SLFN13: variants seen among roughly 807,000 people sequenced by gnomAD.
SLFN13 encodes the protein schlafen family member 13, also known as schlafen-13.
Under a neutral mutation model 50.6 loss-of-function variants are expected in SLFN13, and 43 were observed. That is an observed-to-expected ratio of 0.85 (90% confidence interval 0.67 to 1.09). The LOEUF (loss-of-function observed/expected upper bound fraction) is 1.09, where lower values mean the gene tolerates loss of function less well. Ranked by LOEUF, SLFN13 falls within the 50% of genes least tolerant of loss-of-function variation. The pLI, the probability that SLFN13 is intolerant of heterozygous loss-of-function variation, is 0.00. For missense variants in SLFN13, 881 were observed against 1,071.1 expected (o/e 0.82, Z 2.48); for synonymous variants, 339 against 386.5 (o/e 0.88, Z 1.44).
At chr17:35,443,696 G>A (rs2142085827) in intron 4 of SLFN13, 93 bp downstream of exon 4, 2 of 1,379,202 alleles carry the variant, frequency 1.5e-6, no homozygotes, top group East Asian at 4.6e-5. Flanking sequence ...TGTACACCTG[G>A]ATCTGCAGGA....
Position 35,444,911 on chromosome 17 carries a change from A to G in SLFN13, c.770T>C (p.Leu257Pro), listed in dbSNP as rs779228379. Residue 257 changes from leucine (L) to proline (P), a missense_variant, in exon 3 of 6, where the codon CTG becomes CCG. Physicochemically the swap from Leu to Pro is moderately conservative, Grantham distance 98. Coordinates refer to ENST00000285013, the MANE Select transcript of SLFN13 (RefSeq NM_144682.6). ...IGVDDKSRKV[L>P]GCAKEQVDPD... ...GTCAACCTGTTCTTTGGCACATCCC[A>G]GGACTTTCCTACTCTTATCATCCAC... is the stretch of plus-strand genomic sequence containing the variant. 1 of 1,614,238 alleles carries G rather than the reference A, an allele frequency of 6.2e-7. No individual in the cohort carries two copies. The highest frequency in any genetic ancestry group is 8.5e-7 in the Non-Finnish European group (1 of 1,180,032).
Position 35,437,803 on chromosome 17 carries a change from A to G in SLFN13, c.*2792T>C, listed in dbSNP as rs1469630251. 1.3e-5 allele frequency: 2 copies of G among 152,070 alleles called. No homozygotes were observed. Among genetic ancestry groups the G allele is most frequent in the Admixed American group, 6.6e-5 (1 of 15,260 alleles). 9.4% of individuals were successfully genotyped at this position (152,070 alleles called of 1,614,324 possible). A position where few individuals can be genotyped will look rare whatever the true frequency, so the allele number is the denominator to read the frequency against. Reference sequence around the variant, plus strand: ...TCTGTACTATGCTTGCAACTTTTCTATATGTCTGAACTAAAATAAAAGGCT... The same window carrying G: ...TCTGTACTATGCTTGCAACTTTTCTGTATGTCTGAACTAAAATAAAAGGCT... On this transcript the variant is annotated 3_prime_UTR_variant, in exon 6 of 6. Transcript: ENST00000285013.
In SLFN13 at chr17:35,444,795, T is replaced by C; in HGVS notation, c.886A>G (p.Thr296Ala). 2 of 1,614,234 alleles carry C rather than the reference T, an allele frequency of 1.2e-6. No homozygotes were observed. The highest frequency in any genetic ancestry group is 1.7e-6 in the Non-Finnish European group (2 of 1,180,040). ...CCACAAAACACTTCTACGATTTTGG[T>C]GCTGTACTCTACCCGAGGTTTTGAA... ...CSSKPRVEYS[T>A]KIVEVFCGKE... Residue 296 changes from threonine to alanine, a missense_variant, in exon 3 of 6, where the codon ACC becomes GCC. Physicochemically the swap from Thr to Ala is moderately conservative, Grantham distance 58 (BLOSUM62 0). Around this residue, in one of 5 missense-constraint regions of SLFN13, gnomAD observed 497 missense variants for 518.3 expected, o/e 0.96. Transcript: ENST00000285013.
At position 35,441,362 on chromosome 17, in the gene SLFN13, T is replaced by C. The variant is rs115402160; in HGVS notation, c.1927A>G (p.Arg643Gly). 17,471 of 1,594,590 alleles carry C rather than the reference T, an allele frequency of 0.011. 166 individuals carry two copies. Among genetic ancestry groups the C allele is most frequent in the Middle Eastern group, 0.027 (161 of 5,936 alleles). The change falls in exon 6 of 6, where the codon AGA becomes GGA. Residue 643 changes from arginine (R) to glycine (G), a missense_variant. Physicochemically the swap from Arg to Gly is moderately radical, Grantham distance 125. Coordinates refer to ENST00000285013, the MANE Select transcript of SLFN13 (RefSeq NM_144682.6). ...NQPLRNFISD[R>G]NICRAETRET... The stretch of plus-strand genomic sequence containing the variant: ...CGGGTCTCTGCTCGGCAGATATTTC[T>C]ATCACTGTAAAAATTAAAAGAATAC...
Position 35,441,140 on chromosome 17 carries a change from G to C in SLFN13, c.2149C>G (p.Pro717Ala), listed in dbSNP as rs1279289375. The C allele has an allele frequency of 6.2e-7, 1 of 1,614,048 alleles. No individual in the cohort carries two copies. Among genetic ancestry groups the C allele is most frequent in the South Asian group, 1.1e-5 (1 of 91,072 alleles). Residue 717 changes from proline (P) to alanine (A), a missense_variant, in exon 6 of 6, where the codon CCT becomes GCT. Coordinates refer to ENST00000285013, the MANE Select transcript of SLFN13 (RefSeq NM_144682.6). ...TSHLGHSGLPPLSAQYPREEL... is the reference protein window; with the variant it reads ...TSHLGHSGLPALSAQYPREEL... Reference sequence around the variant, plus strand: ...TCTCTTGGATACTGTGCTGAGAGAGGGGGAAGGCCACTGTGACCCAAGTGA... The same window carrying C: ...TCTCTTGGATACTGTGCTGAGAGAGCGGGAAGGCCACTGTGACCCAAGTGA...
chr17:35,445,950 C>T, intron 2 of SLFN13: 2 of 314,848 alleles, frequency 6.4e-6, no homozygotes, highest in East Asian at 1.1e-4. Context: ...AATCTGGAGA[C>T]CATGGTTCCA....
At position 35,444,607 on chromosome 17, in the gene SLFN13, C is replaced by T. The variant is rs746146053; in HGVS notation, c.1066+8G>A. 1.2e-6 allele frequency: 2 copies of T among 1,610,564 alleles called. No homozygotes were observed. Among genetic ancestry groups the T allele is most frequent in the Non-Finnish European group, 1.7e-6 (2 of 1,177,586 alleles). ...AGGTCAGGAAGGGAGAATCTGGTTC[C>T]CTCTTACCTGGATCTGCGTCCATCA... is the stretch of plus-strand genomic sequence containing the variant. On this transcript the variant is annotated splice_region_variant and intron_variant, in intron 3 of 5. Coordinates refer to ENST00000285013, the MANE Select transcript of SLFN13 (RefSeq NM_144682.6).
chr17:35,449,087 C>G (rs762026114), upstream of SLFN13, among the ~76,000 whole-genome samples: 1 of 147,954 alleles, frequency 6.8e-6, no homozygotes, highest in Admixed American at 6.9e-5. Context: ...ATTACTCAGG[C>G]TTAGTGGCGC....
Position 35,436,222 on chromosome 17 carries a change from C to G in SLFN13, c.*4373G>C, listed in dbSNP as rs1373679568. On this transcript the variant is annotated 3_prime_UTR_variant, in exon 6 of 6. Transcript: ENST00000285013. ...AAATTCTCTAGGACTGAAATTCTCTCCTCCTTAAACTTGCTTGTTAGAACC... is the reference window on the plus strand; with the variant it reads ...AAATTCTCTAGGACTGAAATTCTCTGCTCCTTAAACTTGCTTGTTAGAACC... 1 of 140,094 alleles carries G rather than the reference C, an allele frequency of 7.1e-6. No homozygotes were observed. Among genetic ancestry groups the G allele is most frequent in the Non-Finnish European group, 1.5e-5 (1 of 65,276 alleles). 8.7% of individuals were successfully genotyped at this position (140,094 alleles called of 1,614,324 possible).
At chr17:35,447,818 G>A (rs1354620502) in intron 1 of SLFN13, among the ~76,000 whole-genome samples, 1 of 152,046 alleles carries the variant, frequency 6.6e-6, no homozygotes, top group Non-Finnish European at 1.5e-5. Context: ...TAGATTGCAG[G>A]GTAATCAGGA....
In SLFN13 at chr17:35,442,283, G is replaced by C. The variant is rs1234609781; in HGVS notation, c.1202C>G (p.Pro401Arg). ...ADLQQHLFPVPPGHLECTPES... is the reference protein window; with the variant it reads ...ADLQQHLFPVRPGHLECTPES... ...TGGAGTACATTCCAAATGTCCTGGT[G>C]GAACTAGACAGGAAGAAAATAGAAA... The change falls in exon 5 of 6, where the codon CCA (proline) becomes CGA (arginine). Residue 401 changes from proline (P) to arginine (R), a missense_variant. Pro to Arg is a moderately radical substitution (Grantham distance 103). Around this residue, in one of 5 missense-constraint regions of SLFN13, gnomAD observed 497 missense variants for 518.3 expected, o/e 0.96. Coordinates refer to ENST00000285013, the MANE Select transcript of SLFN13 (RefSeq NM_144682.6). 2 of 1,566,464 alleles carry C rather than the reference G, an allele frequency of 1.3e-6. No individual in the cohort carries two copies. The highest frequency in any genetic ancestry group is 3.9e-5 in the Admixed American group (2 of 51,414).
chr17:35,437,188 T>G lies in SLFN13; in HGVS notation c.*3407A>C, dbSNP rs563597048. ...TTAATAACTAATTTTAAACTTTTGA[T>G]TGTTTTATTATTATTTTGTTAGACA... On this transcript the variant is annotated 3_prime_UTR_variant, in exon 6 of 6. Coordinates refer to ENST00000285013, the MANE Select transcript of SLFN13 (RefSeq NM_144682.6). The G allele has an allele frequency of 6.6e-6, 1 of 152,190 alleles. No individual in the cohort carries two copies. The highest frequency in any genetic ancestry group is 3.4e-3 in the Middle Eastern group (1 of 294). The allele number at this position is 152,190 out of a possible 1,614,324, so 9.4% of individuals were successfully genotyped here. A position where few individuals can be genotyped will look rare whatever the true frequency, so the allele number is the denominator to read the frequency against.
At position 35,435,787 on chromosome 17, in the gene SLFN13, G is replaced by A. The variant is rs1053830466; in HGVS notation, c.*4808C>T. 1 of 151,846 alleles carries A rather than the reference G, an allele frequency of 6.6e-6. No individual in the cohort carries two copies. The highest frequency in any genetic ancestry group is 1.5e-5 in the Non-Finnish European group (1 of 67,996). 9.4% of individuals were successfully genotyped at this position (151,846 alleles called of 1,614,324 possible). A position where few individuals can be genotyped will look rare whatever the true frequency, so the allele number is the denominator to read the frequency against. ...ATTAATTTTTTTTTCTTGGAGACAG[G>A]GTCTCAAACTGGCACCCAGGCTAGA... On this transcript the variant is annotated 3_prime_UTR_variant, in exon 6 of 6. Coordinates refer to ENST00000285013, the MANE Select transcript of SLFN13 (RefSeq NM_144682.6).
chr17:35,437,163 T>G lies in SLFN13; in HGVS notation c.*3432A>C, dbSNP rs1259253550. ...CAAAGGACTCTGGGCACACTGACAT[T>G]TAATAACTAATTTTAAACTTTTGAT... On this transcript the variant is annotated 3_prime_UTR_variant, in exon 6 of 6. Transcript: ENST00000285013. 4 of 152,148 alleles carry G rather than the reference T, an allele frequency of 2.6e-5. No homozygotes were observed. Among genetic ancestry groups the G allele is most frequent in the Admixed American group, 6.5e-5 (1 of 15,276 alleles). 9.4% of individuals were successfully genotyped at this position (152,148 alleles called of 1,614,324 possible). A position where few individuals can be genotyped will look rare whatever the true frequency, so the allele number is the denominator to read the frequency against.
At chr17:35,443,255 ACCTTTGAAGCATTAGCGAGTCGTTC>A (rs1264569582) in intron 4 of SLFN13, among the ~76,000 whole-genome samples, 103 of 152,294 alleles carry the variant, frequency 6.8e-4, no homozygotes, top group African/African-American at 2.3e-3. Flanking sequence ...ATTTGGTGCC[ACCTTTGAAGCATTAGCGAGTCGTTC>A]CCTCTAGCCT....
Position 35,440,756 on chromosome 17 carries a change from A to G in SLFN13, c.2533T>C (p.Leu845=), listed in dbSNP as rs1209173653. The G allele has an allele frequency of 2.5e-6, 4 of 1,613,898 alleles. No homozygotes were observed. Among genetic ancestry groups the G allele is most frequent in the Admixed American group, 1.7e-5 (1 of 59,994 alleles). Residue 845 remains leucine, a synonymous_variant, in exon 6 of 6, where the codon TTG becomes CTG. Transcript: ENST00000285013. ...CTGTCCAACACAATGTGCACACCCA[A>G]CATATCACATGCATCACTGAGCTGC... The part of the protein sequence containing the change: ...VVQLSDACDM[L]GVHIVLDSVR...
chr17:35,443,643 G>T, intron 4 of SLFN13, 146 bp downstream of exon 4: 1 of 747,764 alleles, frequency 1.3e-6, no homozygotes, highest in Non-Finnish European at 2.1e-6. Flanking sequence ...ATTTCTAAAG[G>T]CACCTGAAAC....
In SLFN13 at chr17:35,445,073, A is replaced by G; in HGVS notation, c.608T>C (p.Ile203Thr). 6.2e-7 allele frequency: 1 copy of G among 1,614,008 alleles called. No individual in the cohort carries two copies. The highest frequency in any genetic ancestry group is 8.5e-7 in the Non-Finnish European group (1 of 1,180,040). Residue 203 changes from isoleucine (I) to threonine (T), a missense_variant, in exon 3 of 6, where the codon ATC becomes ACC. Coordinates refer to ENST00000285013, the MANE Select transcript of SLFN13 (RefSeq NM_144682.6). ...FQTDTIEYGE[I>T]LSFPESPSIE... is the part of the protein sequence containing the mutation. ...GGATGGAGACTCAGGAAAAGATAGG[A>G]TTTCACCATATTCAATAGTGTCAGT...
intron 4 of SLFN13, among the ~76,000 whole-genome samples, chr17:35,442,501 T>C (rs1246397952): frequency 6.6e-6 from 1 of 152,248 alleles, no homozygotes; most frequent in Non-Finnish European, 1.5e-5. Flanking sequence ...TGGAGTGCAG[T>C]GGCCCGATCT....
Sources: allele counts gnomAD v4.1 joint callset (sites outside exome capture counted in the v4.1 genomes callset), GRCh38; gene constraint gnomAD v4.1.1; regional missense constraint gnomAD v4.1.1; transcripts MANE v1.5; gene names NCBI Gene and HGNC (gene_info 2026-07-23, HGNC 2026-07-21).